The following FER variants were observed in gnomAD, a reference collection of about 807,000 sequenced individuals.
FER encodes the protein FER tyrosine kinase.
A neutral mutation model predicts 111.0 loss-of-function variants in FER; 63 were observed. The observed-to-expected ratio is 0.57, with a 90% confidence interval of 0.46 to 0.70. The LOEUF (loss-of-function observed/expected upper bound fraction) is 0.70. Ranked by LOEUF, FER falls within the 30% of genes least tolerant of loss-of-function variation. FER has a pLI of 0.00. For missense variants in FER, 914 were observed against 954.0 expected, an observed-to-expected ratio of 0.96 and a Z score of 0.55; for synonymous variants, 327 against 313.9, an observed-to-expected ratio of 1.04 and a Z score of -0.44.
At chr5:109,127,555 C>T (rs1751871716) in intron 17 of FER, among the ~76,000 whole-genome samples, 1 of 151,992 alleles carries the variant, frequency 6.6e-6, no homozygotes, top group Admixed American at 6.6e-5. Context: ...AGGCACGCGC[C>T]ACCACATCAG....
intron 3 of FER, among the ~76,000 whole-genome samples, chr5:108,811,058 G>A (rs544151915): frequency 1.1e-4 from 16 of 152,172 alleles, no homozygotes; most frequent in East Asian, 1.9e-4. Context: ...CTGCCTGGCC[G>A]TGGAATGGAG....
intron 4 of FER, among the ~76,000 whole-genome samples, chr5:108,833,955 T>C (rs1363755473): frequency 6.6e-6 from 1 of 152,044 alleles, no homozygotes; most frequent in African/African-American, 2.4e-5. Context: ...ATACTTTTTG[T>C]TGAAATGCTT....
chr5:108,993,604 C>CAA (rs1362545144), intron 13 of FER, among the ~76,000 whole-genome samples: 2 of 108,048 alleles, frequency 1.9e-5, no homozygotes, highest in African/African-American at 8.2e-5. Flanking sequence ...AGGGCGAGGG[C>CAA]GAGGGAGAGG....
chr5:109,081,837 A>T (rs1777018527), intron 16 of FER, among the ~76,000 whole-genome samples: 1 of 151,984 alleles, frequency 6.6e-6, no homozygotes, highest in South Asian at 2.1e-4. Flanking sequence ...ATCCTAAAGC[A>T]ATATTTATTA....
chr5:108,912,198 G>A (rs939408687), intron 10 of FER, among the ~76,000 whole-genome samples: 2 of 152,092 alleles, frequency 1.3e-5, no homozygotes, highest in Non-Finnish European at 2.9e-5. Context: ...GTCTTTATTA[G>A]CAGTGTGAAA....
chr5:108,852,980 A>C (rs745919365), intron 5 of FER, among the ~76,000 whole-genome samples: 1 of 152,024 alleles, frequency 6.6e-6, no homozygotes, highest in African/African-American at 2.4e-5. Flanking sequence ...CTTAGTTTTG[A>C]TAAGTAAACA....
chr5:109,105,069 T>C (rs919140593), intron 17 of FER, among the ~76,000 whole-genome samples: 1 of 152,076 alleles, frequency 6.6e-6, no homozygotes, highest in African/African-American at 2.4e-5. Context: ...TTAAGCTTCA[T>C]TGGGAAAACT....
chr5:109,115,996 A>G (rs941718194), intron 17 of FER, among the ~76,000 whole-genome samples: 2 of 152,120 alleles, frequency 1.3e-5, no homozygotes, highest in South Asian at 2.1e-4. Flanking sequence ...AGACATACAC[A>G]TTCAACCAGA....
At chr5:108,816,090 CCACACATATATA>C (rs1190184909) in intron 3 of FER, among the ~76,000 whole-genome samples, 1 of 151,930 alleles carries the variant, frequency 6.6e-6, no homozygotes, top group Non-Finnish European at 1.5e-5. Flanking sequence ...CACACACACA[CCACACATATATA>C]CACACATGCT....
chr5:108,818,751 C>T (rs1449415750), intron 3 of FER, among the ~76,000 whole-genome samples: 1 of 152,050 alleles, frequency 6.6e-6, no homozygotes, highest in Non-Finnish European at 1.5e-5. Flanking sequence ...GTTAGAAAGG[C>T]AGTTACAGTG....
intron 11 of FER, among the ~76,000 whole-genome samples, chr5:108,950,018 A>G (rs1181408130): frequency 6.6e-6 from 1 of 152,150 alleles, no homozygotes; most frequent in Non-Finnish European, 1.5e-5. Context: ...GAAGCCGGCA[A>G]AAAAGAAGTC....
intron 13 of FER, among the ~76,000 whole-genome samples, chr5:109,001,924 C>A (rs1405902989): frequency 1.9e-4 from 29 of 152,056 alleles, no homozygotes; most frequent in Admixed American, 1.8e-3. Context: ...ATCCAACTTA[C>A]AAGGGATGTG....
chr5:108,882,341 G>A (rs948305843), intron 8 of FER, among the ~76,000 whole-genome samples: 1 of 151,368 alleles, frequency 6.6e-6, no homozygotes, highest in African/African-American at 2.4e-5. Context: ...TTTCATGCTT[G>A]TCAATTTTAG....
intron 10 of FER, among the ~76,000 whole-genome samples, chr5:108,926,908 G>A (rs868107489): frequency 3.3e-4 from 50 of 151,960 alleles, no homozygotes; most frequent in African/African-American, 1.2e-3. Flanking sequence ...ACTGATTCAC[G>A]AGAGTATATT....
chr5:109,150,385 G>T (rs1387251020), intron 17 of FER, among the ~76,000 whole-genome samples: 3 of 151,608 alleles, frequency 2.0e-5, no homozygotes, highest in Non-Finnish European at 2.9e-5. Flanking sequence ...TTTCCTTTAG[G>T]TTCCAGTTAG....
At chr5:109,036,366 G>A (rs1770405571) in intron 13 of FER, among the ~76,000 whole-genome samples, 1 of 152,078 alleles carries the variant, frequency 6.6e-6, no homozygotes, top group African/African-American at 2.4e-5. Context: ...AACAGAGAGT[G>A]TTGGTTGAGT....
intron 16 of FER, among the ~76,000 whole-genome samples, chr5:109,083,882 A>G (rs1007217719): frequency 1.3e-5 from 2 of 152,026 alleles, no homozygotes; most frequent in African/African-American, 4.8e-5. Flanking sequence ...CCACCATGCT[A>G]TGCTATGAAT....
At chr5:108,802,437 T>C (rs960068829) in intron 3 of FER, among the ~76,000 whole-genome samples, 2 of 152,196 alleles carry the variant, frequency 1.3e-5, no homozygotes, top group African/African-American at 4.8e-5. Context: ...CTGAGGTTTA[T>C]GGTATGAATG....
intron 5 of FER, among the ~76,000 whole-genome samples, chr5:108,865,017 A>C (rs1043887784): frequency 2.0e-5 from 3 of 151,984 alleles, no homozygotes; most frequent in Non-Finnish European, 2.9e-5. Flanking sequence ...ATTTGTTTGT[A>C]TCCTCTTTTA....
Sources: allele counts gnomAD v4.1 joint callset (sites outside exome capture counted in the v4.1 genomes callset), GRCh38; gene constraint gnomAD v4.1.1; transcripts MANE v1.5; gene names NCBI Gene and HGNC (gene_info 2026-07-23, HGNC 2026-07-21).